The following VWA3A variants were observed in gnomAD, a reference collection of about 807,000 sequenced individuals.
VWA3A encodes von Willebrand factor A domain-containing protein 3A.
A neutral mutation model predicts 160.4 loss-of-function variants in VWA3A; 134 were observed. The ratio of observed to expected loss-of-function variants is 0.84; its 90% confidence interval spans 0.73 to 0.96. The LOEUF is 0.96. Among genes scored for constraint, VWA3A ranks in the 40% least tolerant of loss-of-function variants. The probability of loss-of-function intolerance (pLI) is 0.00; values close to 1 mark genes in which losing one functional copy is unlikely to be tolerated. For synonymous variants in VWA3A, 476 were observed against 543.4 expected (o/e 0.88, Z 1.72); for missense variants, 1,310 against 1,447.9 (o/e 0.90, Z 1.55).
chr16:22,096,962 G>GT lies in VWA3A; in HGVS notation c.101+17_101+18insT. The GT allele has an allele frequency of 1.7e-5, 18 of 1,036,718 alleles. No individual in the cohort carries two copies. Among genetic ancestry groups the GT allele is most frequent in the Non-Finnish European group, 2.2e-5 (16 of 735,810 alleles). 64.2% of individuals were successfully genotyped at this position (1,036,718 alleles called of 1,614,324 possible). A position where few individuals can be genotyped will look rare whatever the true frequency, so the allele number is the denominator to read the frequency against. On this transcript the variant is annotated intron_variant, in intron 2 of 33. Coordinates refer to ENST00000389398, the MANE Select transcript of VWA3A (RefSeq NM_173615.5). The stretch of plus-strand genomic sequence containing the variant: ...AAACCATTGGTAAGCATAGTTCTCT[G>GT]ATTTTTTTTTTTTTTTTTTTTGAGG...
rs545017828 is a variant in VWA3A, at chr16:22,150,712, T to C, written c.3147T>C (p.His1049=). ...TCTTTCAGAAAGCTTTCAGTTTCCA[T>C]GATCTGGAAGGATTGTACCTCCTGA... is the stretch of plus-strand genomic sequence containing the variant. ...LQALLKAFSF[H]DLEGLYLLTD... Residue 1049 remains histidine (H), a synonymous_variant, in exon 30 of 34, where the codon CAT becomes CAC. Transcript: ENST00000389398. 1.2e-6 allele frequency: 2 copies of C among 1,609,890 alleles called. No homozygotes were observed. The highest frequency in any genetic ancestry group is 1.7e-5 in the Admixed American group (1 of 59,342).
intron 1 of VWA3A, among the ~76,000 whole-genome samples, chr16:22,093,816 G>GTGCAGCC (rs2141815591): frequency 6.6e-6 from 1 of 152,254 alleles, no homozygotes; most frequent in Non-Finnish European, 1.5e-5. Context: ...CCAGGCTGGA[G>GTGCAGCC]TGCAGCGATG....
intron 25 of VWA3A, among the ~76,000 whole-genome samples, chr16:22,143,149 CA>C (rs776095104): frequency 0.11 from 7,754 of 68,722 alleles, 562 homozygotes; most frequent in African/African-American, 0.29. Context: ...GACTCTGTCT[CA>C]AAAAAAAAAA....
Position 22,109,573 on chromosome 16 carries a change from A to T in VWA3A, c.575A>T (p.Asp192Val). 6.2e-7 allele frequency: 1 copy of T among 1,613,372 alleles called. No individual in the cohort carries two copies. The highest frequency in any genetic ancestry group is 8.5e-7 in the Non-Finnish European group (1 of 1,179,798). ...CCTCAGAAAGAAGAGTTCCAAAAGG[A>T]CCTCATGGTAAGTCTGTCTGGCACA... ...SGPQKEEFQKDLMSLIDEQLS... is the reference protein window; with the variant it reads ...SGPQKEEFQKVLMSLIDEQLS... Residue 192 changes from aspartate (D) to valine (V), a missense_variant, in exon 7 of 34, where the codon GAC becomes GTC. Coordinates refer to ENST00000389398, the MANE Select transcript of VWA3A (RefSeq NM_173615.5).
chr16:22,096,409 ATGT>A (rs1232906241), intron 1 of VWA3A, among the ~76,000 whole-genome samples: 1 of 152,176 alleles, frequency 6.6e-6, no homozygotes, highest in Non-Finnish European at 1.5e-5. Context: ...GCCATAAGTT[ATGT>A]TAGCACCACA....
At chr16:22,094,499 T>G (rs2045285536) in intron 1 of VWA3A, among the ~76,000 whole-genome samples, 1 of 151,824 alleles carries the variant, frequency 6.6e-6, no homozygotes, top group Non-Finnish European at 1.5e-5. Flanking sequence ...TTATTCAGAG[T>G]CTCTCACTTG....
At chr16:22,139,199 G>T (rs1048097121) in intron 22 of VWA3A, among the ~76,000 whole-genome samples, 2 of 152,148 alleles carry the variant, frequency 1.3e-5, no homozygotes, top group Non-Finnish European at 2.9e-5. Flanking sequence ...CTGTGCAGCC[G>T]GGTTCTGCCC....
rs186180544 is a variant in VWA3A at position 22,117,691 on chromosome 16, G to A, written c.990+515G>A. On this transcript the variant is annotated intron_variant, in intron 11 of 33. Transcript: ENST00000389398. The stretch of plus-strand genomic sequence containing the variant: ...ACCCTGTGTTCACAAGGGAGGCAAC[G>A]ATTAGCAAACATGTGTGTAGATCCA... Among the ~76,000 whole-genome samples the A allele has an allele frequency of 6.6e-5, 10 of 152,340 alleles. No homozygotes were observed. In the East Asian group the frequency reaches 1.9e-3, roughly 29 times the overall value.
intron 17 of VWA3A, among the ~76,000 whole-genome samples, chr16:22,129,451 A>T (rs1283796096): frequency 6.6e-6 from 1 of 151,348 alleles, no homozygotes; most frequent in Non-Finnish European, 1.5e-5. Flanking sequence ...GATTTTGGGG[A>T]GTTAGAATCT....
intron 29 of VWA3A, among the ~76,000 whole-genome samples, chr16:22,150,261 C>T (rs900513499): frequency 1.3e-5 from 2 of 152,072 alleles, no homozygotes; most frequent in African/African-American, 4.8e-5. Context: ...ATTAGCCGGG[C>T]GTGGTGGCAC....
chr16:22,117,142 G>C lies in VWA3A; in HGVS notation c.956G>C (p.Arg319Thr). The change falls in exon 11 of 34, where the codon AGG becomes ACG. Residue 319 changes from arginine (R) to threonine (T), a missense_variant. Physicochemically the swap from Arg to Thr is moderately conservative, Grantham distance 71. Transcript: ENST00000389398. ...CTGAAGAACCTTGCAGAAGCTGTTAGGGGCTACTACCACTGCTACAGCCCA... is the reference window on the plus strand; with the variant it reads ...CTGAAGAACCTTGCAGAAGCTGTTACGGGCTACTACCACTGCTACAGCCCA... ...AVLKNLAEAV[R>T]GYYHCYSPKM... is the part of the protein sequence containing the mutation. 3.2e-6 allele frequency: 5 copies of C among 1,584,858 alleles called. No individual in the cohort carries two copies. The highest frequency in any genetic ancestry group is 4.3e-6 in the Non-Finnish European group (5 of 1,165,386).
At chr16:22,106,832 G>A (rs973985082) in intron 6 of VWA3A, among the ~76,000 whole-genome samples, 4 of 152,216 alleles carry the variant, frequency 2.6e-5, no homozygotes, top group Non-Finnish European at 5.9e-5. Context: ...CTCTAGGGTC[G>A]ACAGAATGAG....
chr16:22,134,585 G>A, intron 21 of VWA3A, 147 bp downstream of exon 21: 1 of 658,316 alleles, frequency 1.5e-6, no homozygotes. Context: ...CAAGGTGTCA[G>A]CAGGGCCAGG....
At chr16:22,116,293 A>G in intron 9 of VWA3A, 1 of 427,154 alleles carries the variant, frequency 2.3e-6, no homozygotes, top group Non-Finnish European at 4.5e-6. Context: ...GGAAGGAAAG[A>G]AGGAAGAGAG....
At position 22,148,178 on chromosome 16, in the gene VWA3A, T is replaced by C; in HGVS notation, c.2856T>C (p.Phe952=). The change falls in exon 28 of 34, where the codon TTT becomes TTC. Residue 952 remains phenylalanine (F), a synonymous_variant. Coordinates refer to ENST00000389398, the MANE Select transcript of VWA3A (RefSeq NM_173615.5). Reference sequence around the variant, plus strand: ...TCGGAGCAGGGAGCCGCCGACTGTTTGGCACCGTTTTGGAGAGCAAAGTAT... The same window carrying C: ...TCGGAGCAGGGAGCCGCCGACTGTTCGGCACCGTTTTGGAGAGCAAAGTAT... The part of the protein sequence containing the change: ...QWLLSGSRRL[F]GTVLESKVCI... 1 of 1,602,730 alleles carries C rather than the reference T, an allele frequency of 6.2e-7. No homozygotes were observed. The highest frequency in any genetic ancestry group is 8.5e-7 in the Non-Finnish European group (1 of 1,174,884).
chr16:22,141,806 G>A, intron 24 of VWA3A, 114 bp downstream of exon 24: 4 of 825,656 alleles, frequency 4.8e-6, no homozygotes, highest in Non-Finnish European at 7.5e-6. Flanking sequence ...CCTAGGCACT[G>A]GTGCCTCTGG....
At chr16:22,100,101 C>A in intron 3 of VWA3A, 93 bp from the exon 4 acceptor site, 1 of 1,399,202 alleles carries the variant, frequency 7.1e-7, no homozygotes, top group Non-Finnish European at 9.5e-7. Context: ...TAGGGTCAGT[C>A]TGAGTTGGCG....
chr16:22,133,908 T>C (rs1338158958), intron 20 of VWA3A, among the ~76,000 whole-genome samples: 10 of 152,174 alleles, frequency 6.6e-5, no homozygotes, highest in African/African-American at 2.2e-4. Flanking sequence ...AGATTGTTTT[T>C]CAAAGGGTGG....
intron 14 of VWA3A, among the ~76,000 whole-genome samples, chr16:22,122,576 G>A (rs1476337537): frequency 6.6e-6 from 1 of 152,110 alleles, no homozygotes; most frequent in African/African-American, 2.4e-5. Flanking sequence ...GTCTAGCAGT[G>A]CATGGATGAA....
Sources: gnomAD v4.1 joint callset for allele counts (sites outside exome capture counted in the v4.1 genomes callset) on GRCh38, gnomAD v4.1.1 for gene constraint, MANE v1.5 for transcripts, NCBI Gene and HGNC (gene_info 2026-07-23, HGNC 2026-07-21) for gene names.